The following CCSER1 variants were observed in gnomAD, a reference collection of about 807,000 sequenced individuals.
The protein encoded by CCSER1 is serine-rich coiled-coil domain-containing protein 1.
In CCSER1, 41 loss-of-function variants were observed where a neutral mutation model predicts 82.0. The ratio of observed to expected loss-of-function variants is 0.50; its 90% CI spans 0.39 to 0.65. The LOEUF (loss-of-function observed/expected upper bound fraction) is 0.65, where lower values mean the gene tolerates loss of function less well. Ranked by LOEUF, CCSER1 falls within the 30% of genes least tolerant of loss-of-function variation. The probability of loss-of-function intolerance (pLI) is 0.00; values close to 1 mark genes in which losing one functional copy is unlikely to be tolerated. For synonymous variants in CCSER1, 414 were observed against 383.9 expected, an observed-to-expected ratio of 1.08 and a Z score of -0.92; for missense variants, 1,119 against 1,064.2, an observed-to-expected ratio of 1.05 and a Z score of -0.72.
At chr4:91,273,008 T>C (rs1447306756) in intron 10 of CCSER1, among the ~76,000 whole-genome samples, 1 of 152,216 alleles carries the variant, frequency 6.6e-6, no homozygotes, top group African/African-American at 2.4e-5. Flanking sequence ...CCTTATAGTA[T>C]AGTTTGAAAT....
intron 3 of CCSER1, among the ~76,000 whole-genome samples, chr4:90,353,778 C>T (rs1001059876): frequency 1.3e-5 from 2 of 152,178 alleles, no homozygotes; most frequent in Admixed American, 6.5e-5. Flanking sequence ...CTTCCTTCTA[C>T]AATGAATAGA....
intron 9 of CCSER1, among the ~76,000 whole-genome samples, chr4:90,984,972 G>C (rs2150432044): frequency 6.6e-6 from 1 of 151,738 alleles, no homozygotes; most frequent in Admixed American, 6.6e-5. Context: ...CCTTGGCTAA[G>C]TGAAGCTGAA....
At chr4:90,940,859 A>T (rs913476018) in intron 9 of CCSER1, among the ~76,000 whole-genome samples, 2 of 152,148 alleles carry the variant, frequency 1.3e-5, no homozygotes, top group African/African-American at 4.8e-5. Flanking sequence ...AAAGACATAG[A>T]TTGTTCTCAT....
At chr4:90,770,037 C>A (rs1751836265) in intron 7 of CCSER1, among the ~76,000 whole-genome samples, 1 of 152,102 alleles carries the variant, frequency 6.6e-6, no homozygotes. Flanking sequence ...GCTGTGGGGC[C>A]CATTTGTGAG....
intron 10 of CCSER1, among the ~76,000 whole-genome samples, chr4:91,562,231 A>T (rs560355393): frequency 6.6e-6 from 1 of 151,734 alleles, no homozygotes; most frequent in South Asian, 2.1e-4. Context: ...CACTGTTTTC[A>T]TGAGACATAT....
chr4:91,127,361 G>A (rs767232812), intron 10 of CCSER1, among the ~76,000 whole-genome samples: 60 of 152,130 alleles, frequency 3.9e-4, no homozygotes, highest in Non-Finnish European at 5.7e-4. Flanking sequence ...TCCTGTAACC[G>A]TAGAGACCAT....
At chr4:90,753,459 A>G (rs1017837803) in intron 7 of CCSER1, among the ~76,000 whole-genome samples, 1 of 152,158 alleles carries the variant, frequency 6.6e-6, no homozygotes, top group Non-Finnish European at 1.5e-5. Flanking sequence ...AGAGAGGAAA[A>G]AGAATAGAAA....
chr4:91,115,549 A>G (rs2148880704), intron 10 of CCSER1, among the ~76,000 whole-genome samples: 1 of 151,404 alleles, frequency 6.6e-6, no homozygotes, highest in South Asian at 2.1e-4. Context: ...CTGGTCTCCA[A>G]CTCCTGACCT....
At chr4:90,399,948 C>T (rs908818338) in intron 3 of CCSER1, 88 bp from the exon 4 acceptor site, 15 of 632,648 alleles carry the variant, frequency 2.4e-5, no homozygotes, top group Non-Finnish European at 3.6e-5. Flanking sequence ...ATTTGGAATT[C>T]ATTTTTGCTT....
chr4:91,324,108 A>C (rs1043480135), intron 10 of CCSER1, among the ~76,000 whole-genome samples: 1 of 152,168 alleles, frequency 6.6e-6, no homozygotes, highest in Admixed American at 6.6e-5. Context: ...ATCAAATCTT[A>C]CTTTACAATG....
chr4:91,089,557 G>A (rs1723731259), intron 10 of CCSER1, among the ~76,000 whole-genome samples: 1 of 152,064 alleles, frequency 6.6e-6, no homozygotes, highest in Non-Finnish European at 1.5e-5. Flanking sequence ...CACTACTTAT[G>A]TCTTCCCGTG....
intron 9 of CCSER1, among the ~76,000 whole-genome samples, chr4:90,965,065 G>A (rs1361974952): frequency 2.0e-5 from 3 of 152,092 alleles, no homozygotes; most frequent in East Asian, 1.9e-4. Context: ...TTGTCTACCA[G>A]CTCCCTAGAA....
At chr4:90,526,402 C>CT (rs928877049) in intron 5 of CCSER1, among the ~76,000 whole-genome samples, 439 of 149,824 alleles carry the variant, frequency 2.9e-3, no homozygotes, top group African/African-American at 2.7e-3. Context: ...CATCAGAAGG[C>CT]TTTTTTTTTT....
intron 7 of CCSER1, among the ~76,000 whole-genome samples, chr4:90,808,412 G>A (rs1757799629): frequency 6.6e-6 from 1 of 152,016 alleles, no homozygotes; most frequent in African/African-American, 2.4e-5. Flanking sequence ...AAACTTAAAA[G>A]CTTCTATACA....
At chr4:90,975,048 C>T (rs1273838041) in intron 9 of CCSER1, among the ~76,000 whole-genome samples, 2 of 151,352 alleles carry the variant, frequency 1.3e-5, no homozygotes, top group African/African-American at 4.8e-5. Flanking sequence ...TAGTGAAATA[C>T]TGATCTATTT....
At chr4:90,945,270 A>T (rs1162078429) in intron 9 of CCSER1, among the ~76,000 whole-genome samples, 1 of 152,148 alleles carries the variant, frequency 6.6e-6, no homozygotes, top group African/African-American at 2.4e-5. Flanking sequence ...TTTAAATTAG[A>T]GGTATTTTTT....
At chr4:91,519,352 G>A (rs144141584) in intron 10 of CCSER1, among the ~76,000 whole-genome samples, 19 of 152,302 alleles carry the variant, frequency 1.2e-4, no homozygotes, top group East Asian at 9.7e-4. Flanking sequence ...ACTCCAGTCC[G>A]GGAGGTACAG....
At chr4:90,383,125 A>C (rs184490625) in intron 3 of CCSER1, among the ~76,000 whole-genome samples, 34 of 152,338 alleles carry the variant, frequency 2.2e-4, no homozygotes, top group African/African-American at 7.7e-4. Context: ...CAATGAGAGA[A>C]TCTTTATAAA....
chr4:91,019,337 T>C (rs935080991), intron 9 of CCSER1, among the ~76,000 whole-genome samples: 1 of 152,140 alleles, frequency 6.6e-6, no homozygotes, highest in African/African-American at 2.4e-5. Flanking sequence ...GGGTTCTATG[T>C]AAAGCTATTT....
Sources: allele counts gnomAD v4.1 joint callset (sites outside exome capture counted in the v4.1 genomes callset), GRCh38; gene constraint gnomAD v4.1.1; transcripts MANE v1.5; gene names NCBI Gene and HGNC (gene_info 2026-07-23, HGNC 2026-07-21).